Variants in MTREX observed in about 807,000 individuals in gnomAD.
MTREX encodes the protein exosome RNA helicase MTR4.
A neutral mutation model predicts 135.4 loss-of-function variants in MTREX; 76 were observed. The observed-to-expected ratio is 0.56, with a 90% CI of 0.47 to 0.68. The LOEUF (loss-of-function observed/expected upper bound fraction) is 0.68, where lower values mean the gene tolerates loss of function less well. Among genes scored for constraint, MTREX ranks in the 30% least tolerant of loss-of-function variants. The probability of loss-of-function intolerance (pLI) is 0.00; values close to 1 mark genes in which losing one functional copy is unlikely to be tolerated. For synonymous variants in MTREX, 404 were observed against 401.6 expected (o/e 1.01, Z -0.07); for missense variants, 920 against 1,262.1 (o/e 0.73, Z 4.11).
At chr5:55,371,926 T>C (rs1750209213) in intron 16 of MTREX, among the ~76,000 whole-genome samples, 1 of 152,180 alleles carries the variant, frequency 6.6e-6, no homozygotes, top group Admixed American at 6.5e-5. Context: ...GACTTTTGAC[T>C]CACTAGTTAA....
At chr5:55,367,196 A>T (rs1750117418) in intron 16 of MTREX, among the ~76,000 whole-genome samples, 1 of 152,182 alleles carries the variant, frequency 6.6e-6, no homozygotes, top group African/African-American at 2.4e-5. Context: ...ACCTGTAAAA[A>T]GCACATGCGG....
chr5:55,415,676 T>A (rs188704290), intron 24 of MTREX, among the ~76,000 whole-genome samples: 55 of 152,354 alleles, frequency 3.6e-4, no homozygotes, highest in Non-Finnish European at 2.8e-4. Flanking sequence ...ATGCTGCTCT[T>A]GAATAATTTT....
chr5:55,357,976 T>C (rs1330797895), intron 14 of MTREX, among the ~76,000 whole-genome samples: 1 of 152,208 alleles, frequency 6.6e-6, no homozygotes, highest in African/African-American at 2.4e-5. Flanking sequence ...TTTTGCAGAT[T>C]CAGAAAGTTA....
At chr5:55,372,704 G>A (rs553493741) in intron 16 of MTREX, among the ~76,000 whole-genome samples, 64 of 152,128 alleles carry the variant, frequency 4.2e-4, no homozygotes, top group Admixed American at 6.5e-4. Context: ...TAATAAAGTT[G>A]CACCCTTACC....
chr5:55,378,182 T>TA, intron 16 of MTREX, 132 bp from the exon 17 acceptor site: 2 of 1,038,290 alleles, frequency 1.9e-6, no homozygotes, highest in Non-Finnish European at 2.6e-6. Context: ...CATAGAGACT[T>TA]ACAGGAAGGT....
chr5:55,357,706 A>C (rs1749943346), intron 14 of MTREX, among the ~76,000 whole-genome samples: 1 of 152,146 alleles, frequency 6.6e-6, no homozygotes, highest in African/African-American at 2.4e-5. Flanking sequence ...AGTGGTTTTT[A>C]ACTCTTTTTG....
In MTREX at chr5:55,349,583, G is replaced by A. The variant is rs2061242; in HGVS notation, c.1251G>A (p.Lys417=). Reference sequence around the variant, plus strand: ...TGAATTTTCTCCTAGATGAAGAAAAGAAGATGGTTGAAGAAGTATTCAGTA... The same window carrying A: ...TGAATTTTCTCCTAGATGAAGAAAAAAAGATGGTTGAAGAAGTATTCAGTA... ...TKLDFNTDEE[K]KMVEEVFSNA... The change falls in exon 12 of 27, where the codon AAG becomes AAA. Residue 417 remains lysine, a synonymous_variant. Transcript: ENST00000230640. 158,228 of 1,582,072 alleles carry A rather than the reference G, an allele frequency of 0.1. 9,696 individuals carry two copies. The highest frequency in any genetic ancestry group is 0.26 in the East Asian group (11,632 of 44,528).
At chr5:55,328,584 CAT>C in intron 4 of MTREX, 113 bp from the exon 5 acceptor site, 1 of 640,450 alleles carries the variant, frequency 1.6e-6, no homozygotes, top group Non-Finnish European at 2.7e-6. Flanking sequence ...TAAATAAAAT[CAT>C]AAAGGAATAC....
At chr5:55,374,999 A>G (rs1017081815) in intron 16 of MTREX, among the ~76,000 whole-genome samples, 1 of 152,188 alleles carries the variant, frequency 6.6e-6, no homozygotes, top group Admixed American at 6.5e-5. Context: ...ATGCCCCACA[A>G]GCCACAAAAA....
intron 5 of MTREX, among the ~76,000 whole-genome samples, chr5:55,334,693 A>G (rs981810957): frequency 6.6e-6 from 1 of 152,012 alleles, no homozygotes; most frequent in African/African-American, 2.4e-5. Flanking sequence ...GTTTTAGAAG[A>G]CTTCCATCTA....
At position 55,343,359 on chromosome 5, in the gene MTREX, T is replaced by G. The variant is rs199907263; in HGVS notation, c.810T>G (p.Ile270Met). ...GTGGTGTAGTATGGGAAGAAACTAT[T>G]ATTTTGCTTCCTGATAACGTCCACT... ...SERGVVWEET[I>M]ILLPDNVHYV... The change falls in exon 8 of 27, where the codon ATT (isoleucine) becomes ATG (methionine). Residue 270 changes from isoleucine to methionine, a missense_variant. Transcript: ENST00000230640. 1.0e-4 allele frequency: 167 copies of G among 1,611,906 alleles called. No individual in the cohort carries two copies. Among genetic ancestry groups the G allele is most frequent in the Non-Finnish European group, 1.4e-4 (161 of 1,178,354 alleles).
chr5:55,310,567 C>T (rs1195495567), intron 1 of MTREX, among the ~76,000 whole-genome samples: 1 of 151,910 alleles, frequency 6.6e-6, no homozygotes, highest in Non-Finnish European at 1.5e-5. Context: ...GAGACTGTGC[C>T]ACTGCACTCC....
At chr5:55,371,879 A>C (rs964790367) in intron 16 of MTREX, among the ~76,000 whole-genome samples, 4 of 152,062 alleles carry the variant, frequency 2.6e-5, no homozygotes, top group Admixed American at 6.6e-5. Context: ...CTGGACTCTA[A>C]CTACAAAATA....
At chr5:55,313,459 C>G (rs1203934358) in intron 1 of MTREX, among the ~76,000 whole-genome samples, 3 of 151,914 alleles carry the variant, frequency 2.0e-5, no homozygotes, top group Non-Finnish European at 4.4e-5. Context: ...AAAAGAAAAT[C>G]CTCATTCCTG....
intron 26 of MTREX, 141 bp from the exon 27 acceptor site, chr5:55,424,579 T>C (rs1579909483): frequency 1.6e-6 from 1 of 608,456 alleles, no homozygotes. Flanking sequence ...TTCCTCTAGG[T>C]GTTCAGCAAG....
At chr5:55,364,782 T>G (rs1188269768) in intron 15 of MTREX, among the ~76,000 whole-genome samples, 2 of 151,754 alleles carry the variant, frequency 1.3e-5, no homozygotes, top group Non-Finnish European at 2.9e-5. Context: ...AATAATTGAT[T>G]AAAAAGGGAG....
At chr5:55,415,166 A>G (rs555709825) in intron 24 of MTREX, among the ~76,000 whole-genome samples, 16 of 152,074 alleles carry the variant, frequency 1.1e-4, no homozygotes, top group Non-Finnish European at 2.2e-4. Flanking sequence ...CTTCAGAACA[A>G]CAGACACTGG....
intron 14 of MTREX, among the ~76,000 whole-genome samples, chr5:55,354,253 TAAGA>T (rs774952758): frequency 2.0e-5 from 3 of 152,126 alleles, no homozygotes; most frequent in Non-Finnish European, 4.4e-5. Flanking sequence ...GGATATAGCA[TAAGA>T]AAGGAAGTCA....
chr5:55,404,707 C>G (rs1342800747), intron 21 of MTREX, among the ~76,000 whole-genome samples: 1 of 152,104 alleles, frequency 6.6e-6, no homozygotes, highest in African/African-American at 2.4e-5. Flanking sequence ...TACAGCCTAC[C>G]TTGTCTAGCT....
Sources: allele counts gnomAD v4.1 joint callset (sites outside exome capture counted in the v4.1 genomes callset), GRCh38; gene constraint gnomAD v4.1.1; transcripts MANE v1.5; gene names NCBI Gene and HGNC (gene_info 2026-07-23, HGNC 2026-07-21).